The following FTO variants were observed in gnomAD, a reference collection of about 807,000 sequenced individuals.
The protein encoded by FTO is FTO alpha-ketoglutarate dependent dioxygenase.
FTO carries 47 observed loss-of-function variants against 63.9 expected under a neutral mutation model. The observed-to-expected ratio is 0.74, with a 90% CI of 0.58 to 0.94. The LOEUF (loss-of-function observed/expected upper bound fraction) is 0.94. Among genes scored for constraint, FTO ranks in the 40% least tolerant of loss-of-function variants. The pLI is 0.00. For synonymous variants in FTO, 207 were observed against 224.4 expected, an observed-to-expected ratio of 0.92 and a Z score of 0.69; for missense variants, 562 against 618.1, an observed-to-expected ratio of 0.91 and a Z score of 0.96.
At chr16:54,066,011 G>A (rs1459024269) in intron 8 of FTO, among the ~76,000 whole-genome samples, 1 of 152,312 alleles carries the variant, frequency 6.6e-6, no homozygotes, top group African/African-American at 2.4e-5. Flanking sequence ...CAGCAGAGCT[G>A]TTTAGACTAG....
At chr16:53,909,421 C>T (rs571332846) in intron 7 of FTO, among the ~76,000 whole-genome samples, 2 of 151,202 alleles carry the variant, frequency 1.3e-5, no homozygotes, top group Admixed American at 1.3e-4. Context: ...ATTCAGAAAA[C>T]TGGGCAAGAC....
At chr16:54,052,972 G>T (rs1336756932) in intron 8 of FTO, among the ~76,000 whole-genome samples, 2 of 152,186 alleles carry the variant, frequency 1.3e-5, no homozygotes, top group African/African-American at 4.8e-5. Context: ...AAAGTGCTGG[G>T]ATTACAGGTG....
At chr16:53,759,628 A>G (rs951826166) in intron 1 of FTO, among the ~76,000 whole-genome samples, 2 of 139,548 alleles carry the variant, frequency 1.4e-5, no homozygotes, top group Admixed American at 1.6e-4. Flanking sequence ...CAGGAGGTGG[A>G]GGCTGCAGTG....
At chr16:54,017,645 A>G (rs2084484855) in intron 8 of FTO, among the ~76,000 whole-genome samples, 2 of 152,178 alleles carry the variant, frequency 1.3e-5, no homozygotes, top group Admixed American at 1.3e-4. Context: ...ACCATCCCAT[A>G]TGTGTTAACT....
chr16:53,891,271 C>T (rs976041720), intron 7 of FTO, among the ~76,000 whole-genome samples: 4 of 151,682 alleles, frequency 2.6e-5, no homozygotes, highest in Non-Finnish European at 5.9e-5. Context: ...GGATTACAGG[C>T]GTGAACCACC....
At chr16:53,886,814 A>G (rs1232024100) in intron 6 of FTO, 7 of 152,224 alleles carry the variant, frequency 4.6e-5, no homozygotes, top group Admixed American at 4.6e-4. Flanking sequence ...CAATATGGAT[A>G]AACACACAAA....
At chr16:54,101,093 T>C (rs2086632251) in intron 8 of FTO, among the ~76,000 whole-genome samples, 1 of 151,966 alleles carries the variant, frequency 6.6e-6, no homozygotes, top group Admixed American at 6.6e-5. Context: ...GCCTTTACCA[T>C]AGGCCAGAGG....
chr16:54,054,361 C>T (rs2085381530), intron 8 of FTO, among the ~76,000 whole-genome samples: 1 of 152,124 alleles, frequency 6.6e-6, no homozygotes, highest in South Asian at 2.1e-4. Flanking sequence ...AAGGTGAACG[C>T]GTGTGAAATG....
intron 1 of FTO, among the ~76,000 whole-genome samples, chr16:53,707,957 A>G (rs1241349239): frequency 1.3e-5 from 2 of 152,182 alleles, no homozygotes; most frequent in Non-Finnish European, 2.9e-5. Flanking sequence ...TTTTATATAG[A>G]TGGACTCATA....
intron 8 of FTO, among the ~76,000 whole-genome samples, chr16:53,939,753 A>G (rs2082483307): frequency 6.6e-6 from 1 of 152,190 alleles, no homozygotes; most frequent in Admixed American, 6.5e-5. Flanking sequence ...CATTTGGCAT[A>G]CTGATTGTAG....
At chr16:54,105,809 GTGTGTA>G (rs368500174) in intron 8 of FTO, among the ~76,000 whole-genome samples, 5,727 of 102,390 alleles carry the variant, frequency 0.056, 150 homozygotes, top group Middle Eastern at 0.1. Context: ...GTGTGTGTGT[GTGTGTA>G]TGTTACATTT....
intron 7 of FTO, 76 bp from the exon 8 acceptor site, chr16:53,933,909 C>A: frequency 7.0e-7 from 1 of 1,437,528 alleles, no homozygotes; most frequent in Non-Finnish European, 9.6e-7. Context: ...GATTTACTGT[C>A]CTTATTTGCT....
chr16:54,111,812 G>T lies in FTO; in HGVS notation c.1415G>T (p.Cys472Phe). Residue 472 changes from cysteine (C) to phenylalanine (F), a missense_variant, in exon 9 of 9, where the codon TGT (cysteine) becomes TTT (phenylalanine). Transcript: ENST00000471389. ...TTACCTGCTGATCAGAAGCCAGAAT[G>T]TCGGCCATACTGGGAAAAGGATGAT... ...RTLPADQKPE[C>F]RPYWEKDDAS... 2 of 1,614,138 alleles carry T rather than the reference G, an allele frequency of 1.2e-6. No individual in the cohort carries two copies. The highest frequency in any genetic ancestry group is 1.7e-6 in the Non-Finnish European group (2 of 1,180,030).
intron 8 of FTO, among the ~76,000 whole-genome samples, chr16:53,961,533 C>T (rs373290890): frequency 4.6e-4 from 70 of 152,244 alleles, no homozygotes; most frequent in African/African-American, 1.5e-3. Context: ...AGCTAATTCA[C>T]GAGAGTTCTA....
intron 1 of FTO, among the ~76,000 whole-genome samples, chr16:53,721,138 C>G (rs1299457253): frequency 6.6e-6 from 1 of 152,062 alleles, no homozygotes; most frequent in African/African-American, 2.4e-5. Flanking sequence ...TCAATTGGAC[C>G]AAGACTTAGG....
At chr16:53,706,113 A>C (rs933789445) in intron 1 of FTO, among the ~76,000 whole-genome samples, 4 of 152,156 alleles carry the variant, frequency 2.6e-5, no homozygotes, top group Non-Finnish European at 5.9e-5. Context: ...AAACATGTTG[A>C]ATTAGTAGAG....
At chr16:53,992,351 T>C (rs1363137663) in intron 8 of FTO, 2 of 152,164 alleles carry the variant, frequency 1.3e-5, no homozygotes, top group African/African-American at 4.8e-5. Context: ...CGCTGCCTCT[T>C]TTTTGTTTTT....
intron 8 of FTO, among the ~76,000 whole-genome samples, chr16:53,956,147 T>C (rs2082925613): frequency 6.6e-6 from 1 of 152,186 alleles, no homozygotes; most frequent in South Asian, 2.1e-4. Context: ...AAGTTAAAGA[T>C]AACTATTGAC....
intron 8 of FTO, among the ~76,000 whole-genome samples, chr16:54,036,565 C>A (rs2084944673): frequency 6.6e-6 from 1 of 152,192 alleles, no homozygotes; most frequent in South Asian, 2.1e-4. Flanking sequence ...AATGCCTTCT[C>A]ATGGTTTTTC....
Sources: gnomAD v4.1 joint callset for allele counts (sites outside exome capture counted in the v4.1 genomes callset) on GRCh38, gnomAD v4.1.1 for gene constraint, MANE v1.5 for transcripts, NCBI Gene and HGNC (gene_info 2026-07-23, HGNC 2026-07-21) for gene names.